The following ANKS1B variants were observed in gnomAD, a reference collection of about 807,000 sequenced individuals.
ANKS1B encodes the protein ankyrin repeat and sterile alpha motif domain containing 1B, also known as ankyrin repeat and sterile alpha motif domain-containing protein 1B.
ANKS1B carries 36 observed loss-of-function variants against 148.3 expected under a neutral mutation model. The observed-to-expected ratio is 0.24, with a 90% CI of 0.19 to 0.32. The LOEUF is 0.32. Among genes scored for constraint, ANKS1B ranks in the 10% least tolerant of loss-of-function variants. The pLI, the probability that ANKS1B is intolerant of heterozygous loss-of-function variation, is 1.00. For synonymous variants in ANKS1B, 542 were observed against 560.8 expected (o/e 0.97, Z 0.47); for missense variants, 1,157 against 1,542.6 (o/e 0.75, Z 4.19).
intron 14 of ANKS1B, among the ~76,000 whole-genome samples, chr12:99,185,448 G>T (rs1203366382): frequency 6.6e-6 from 1 of 152,102 alleles, no homozygotes; most frequent in Non-Finnish European, 1.5e-5. Context: ...CATGAAGGTG[G>T]CTGGCAAGAT....
At chr12:98,835,321 G>C (rs1015400426) in intron 17 of ANKS1B, among the ~76,000 whole-genome samples, 2 of 152,294 alleles carry the variant, frequency 1.3e-5, no homozygotes, top group South Asian at 4.1e-4. Flanking sequence ...TGAAGAGTAA[G>C]TTGTGAGAAT....
chr12:99,632,771 T>TTTA lies in ANKS1B; in HGVS notation c.1272+22295_1272+22296insTAA, dbSNP rs71088133. On this transcript the variant is annotated intron_variant, in intron 9 of 26. Transcript: ENST00000683438. ...TATATATATATATATATATATATTT[T>TTTA]AATTATACTTTAAGTTCTAGGGTAC... 9.5e-4 allele frequency among the ~76,000 whole-genome samples: 48 copies of TTTA among 50,728 alleles called. 2 individuals carry two copies. The highest frequency in any genetic ancestry group is 2.3e-3 in the African/African-American group (43 of 18,528). 33.3% of individuals were successfully genotyped at this position (50,728 alleles called of 152,430 possible). A position where few individuals can be genotyped will look rare whatever the true frequency, so the allele number is the denominator to read the frequency against.
At chr12:99,676,782 T>C (rs1372533395) in intron 8 of ANKS1B, among the ~76,000 whole-genome samples, 1 of 152,188 alleles carries the variant, frequency 6.6e-6, no homozygotes. Flanking sequence ...ACAGCTACTG[T>C]GAAGTCAAAA....
chr12:99,681,184 G>A (rs1197417274), intron 8 of ANKS1B, among the ~76,000 whole-genome samples: 1 of 152,130 alleles, frequency 6.6e-6, no homozygotes, highest in African/African-American at 2.4e-5. Context: ...CCTATACTAT[G>A]CAGTTGATCT....
chr12:99,369,013 A>T (rs2092937776), intron 12 of ANKS1B, among the ~76,000 whole-genome samples: 1 of 152,210 alleles, frequency 6.6e-6, no homozygotes, highest in East Asian at 1.9e-4. Context: ...CTTACGTGAA[A>T]GTTCACTGGG....
chr12:98,954,176 A>AG (rs1278233958), intron 17 of ANKS1B, among the ~76,000 whole-genome samples: 2 of 152,218 alleles, frequency 1.3e-5, no homozygotes, highest in African/African-American at 4.8e-5. Context: ...TACTTAGATA[A>AG]TACTCAATCC....
At chr12:99,162,344 T>A (rs1272382530) in intron 14 of ANKS1B, among the ~76,000 whole-genome samples, 1 of 152,074 alleles carries the variant, frequency 6.6e-6, no homozygotes, top group East Asian at 1.9e-4. Flanking sequence ...ATATAGTATA[T>A]CAGTAGATTT....
At chr12:99,386,357 G>GATC (rs1233851587) in intron 12 of ANKS1B, 5 of 152,146 alleles carry the variant, frequency 3.3e-5, no homozygotes, top group African/African-American at 1.2e-4. Context: ...ACTGGATTCT[G>GATC]ATCATCACTA....
chr12:99,369,791 T>TAGAC (rs879173702), intron 12 of ANKS1B, among the ~76,000 whole-genome samples: 436 of 148,878 alleles, frequency 2.9e-3, no homozygotes, highest in African/African-American at 5.4e-3. Context: ...GATAGATAGA[T>TAGAC]GGACGGACGG....
Position 99,529,877 on chromosome 12 carries a change from C to T in ANKS1B, c.1273-25236G>A, listed in dbSNP as rs567357796. 7.2e-5 allele frequency among the ~76,000 whole-genome samples: 11 copies of T among 151,964 alleles called. No individual in the cohort carries two copies. The East Asian group carries it at 1.4e-3, about 19-fold the overall frequency. On this transcript the variant is annotated intron_variant, in intron 9 of 26. Transcript: ENST00000683438. ...ATTCTGAATACTAAAACATTTTTTTCGAAGTAAAAATTTTTACAGATTCTC... is the reference window on the plus strand; with the variant it reads ...ATTCTGAATACTAAAACATTTTTTTTGAAGTAAAAATTTTTACAGATTCTC...
intron 8 of ANKS1B, among the ~76,000 whole-genome samples, chr12:99,740,732 G>T (rs941983565): frequency 6.6e-6 from 1 of 152,114 alleles, no homozygotes; most frequent in African/African-American, 2.4e-5. Context: ...TAGACAGAGG[G>T]TGCAGCCCAT....
chr12:99,891,044 T>A (rs1187053134), intron 1 of ANKS1B, among the ~76,000 whole-genome samples: 1 of 152,254 alleles, frequency 6.6e-6, no homozygotes, highest in Non-Finnish European at 1.5e-5. Context: ...ACACAACACG[T>A]AGTCTTGCAT....
At chr12:99,021,279 A>T (rs2099945656) in intron 17 of ANKS1B, among the ~76,000 whole-genome samples, 1 of 152,110 alleles carries the variant, frequency 6.6e-6, no homozygotes, top group Admixed American at 6.6e-5. Flanking sequence ...AAAATATAGT[A>T]TCAATATAAT....
intron 12 of ANKS1B, among the ~76,000 whole-genome samples, chr12:99,364,435 G>A (rs1175118147): frequency 6.6e-6 from 1 of 152,110 alleles, no homozygotes; most frequent in East Asian, 1.9e-4. Context: ...TCCCATCTGA[G>A]AAAAATGTAG....
chr12:98,968,493 C>T (rs2099880513), intron 17 of ANKS1B, among the ~76,000 whole-genome samples: 1 of 152,134 alleles, frequency 6.6e-6, no homozygotes, highest in African/African-American at 2.4e-5. Flanking sequence ...TTAGGAAGGT[C>T]AGGAAGGCAG....
rs2099836362 is a variant in ANKS1B, at chr12:98,941,386, A to ATT, written c.2779-109251_2779-109250insAA. ...AGCATATAAATATGAAAAATATAGC[A>ATT]CTAAGTAGATCTTAGAAAAGATACT... On this transcript the variant is annotated intron_variant, in intron 17 of 26. Transcript: ENST00000683438. 7.9e-5 allele frequency among the ~76,000 whole-genome samples: 12 copies of ATT among 152,332 alleles called. No homozygotes were observed. The South Asian group carries it at 2.5e-3, about 32-fold the overall frequency.
chr12:99,390,801 C>A (rs1024063587), intron 12 of ANKS1B, among the ~76,000 whole-genome samples: 2 of 152,226 alleles, frequency 1.3e-5, no homozygotes, highest in African/African-American at 4.8e-5. Context: ...GGGGCCTCAG[C>A]AGGCAGCTGG....
chr12:99,934,487 T>C (rs12820490), intron 1 of ANKS1B, among the ~76,000 whole-genome samples: 18,257 of 152,174 alleles, frequency 0.12, 1,461 homozygotes, highest in Middle Eastern at 0.19. Context: ...TCTTCATGGT[T>C]AAATCTTGGT....
chr12:98,876,371 G>A (rs903612206), intron 17 of ANKS1B, among the ~76,000 whole-genome samples: 1 of 152,158 alleles, frequency 6.6e-6, no homozygotes, highest in Admixed American at 6.5e-5. Flanking sequence ...GACCTTCTCT[G>A]AGAAGTCTCC....
Sources: gnomAD v4.1 joint callset for allele counts (sites outside exome capture counted in the v4.1 genomes callset) on GRCh38, gnomAD v4.1.1 for gene constraint, MANE v1.5 for transcripts, NCBI Gene and HGNC (gene_info 2026-07-23, HGNC 2026-07-21) for gene names.